ZFHX3: variants seen among roughly 807,000 people sequenced by gnomAD.
ZFHX3 encodes the protein zinc finger homeobox 3.
A neutral mutation model predicts 279.1 loss-of-function variants in ZFHX3; 42 were observed. That is an observed-to-expected ratio of 0.15 (90% confidence interval 0.12 to 0.19). The LOEUF (loss-of-function observed/expected upper bound fraction) is 0.19. Ranked by LOEUF, ZFHX3 falls within the 10% of genes least tolerant of loss-of-function variation. The probability of loss-of-function intolerance (pLI) is 1.00; values close to 1 mark genes in which losing one functional copy is unlikely to be tolerated. For synonymous variants in ZFHX3, 2,293 were observed against 1,957.8 expected (o/e 1.17, Z -4.52); for missense variants, 4,981 against 4,754.0 (o/e 1.05, Z -1.40).
In ZFHX3 at chr16:73,528,343, C is replaced by A. The variant is rs180882785; in HGVS notation, c.-1546-72085G>T. On this transcript the variant is annotated intron_variant, in intron 2 of 17. Transcript: ENST00000641206. ...GGATATCAATAGCAGTACTAGCCAA[C>A]AAATTTGCAAAGATAACTTACACAC... Among the ~76,000 whole-genome samples, 60 of 152,320 alleles carry A rather than the reference C, an allele frequency of 3.9e-4. 4 individuals are homozygous for A. The highest frequency in any genetic ancestry group is 1.4e-3 in the African/African-American group (57 of 41,582).
chr16:73,749,965 C>CAGT (rs1219156952), intron 1 of ZFHX3, among the ~76,000 whole-genome samples: 1 of 152,200 alleles, frequency 6.6e-6, no homozygotes, highest in Non-Finnish European at 1.5e-5. Flanking sequence ...AGCCTCAGAG[C>CAGT]AGTAAACAGG....
chr16:72,798,089 G>T lies in ZFHX3; in HGVS notation c.4593C>A (p.Pro1531=). 6.2e-7 allele frequency: 1 copy of T among 1,614,210 alleles called. No homozygotes were observed. Among genetic ancestry groups the T allele is most frequent in the Non-Finnish European group, 8.5e-7 (1 of 1,180,032 alleles). ...CTAGGAACTTTTCCATAGTAAAATT[G>T]GGACCTTTTCTGAAAGGCAGAGCTC... The part of the protein sequence containing the change: ...PKRALPFRKG[P]NFTMEKFLDP... Residue 1531 remains proline (P), a synonymous_variant, in exon 9 of 10, where the codon CCC becomes CCA. Coordinates refer to ENST00000268489, the MANE Select transcript of ZFHX3 (RefSeq NM_006885.4).
Position 72,795,359 on chromosome 16 carries a change from G to A in ZFHX3, c.7323C>T (p.Asn2441=), listed in dbSNP as rs2035868535. 1.1e-5 allele frequency: 17 copies of A among 1,614,096 alleles called. No homozygotes were observed. The highest frequency in any genetic ancestry group is 1.4e-5 in the Non-Finnish European group (16 of 1,180,022). The change falls in exon 9 of 10, where the codon AAC becomes AAT. Residue 2441 remains asparagine (N), a synonymous_variant. Transcript: ENST00000268489. ...KLAEAPSAQP[N]QTQEKQGQPK... ...GTTGTCCTTGCTTTTCTTGGGTTTG[G>A]TTTGGCTGTGCACTGGGAGCTTCCG...
At chr16:73,267,170 G>C (rs906905197) in intron 4 of ZFHX3, among the ~76,000 whole-genome samples, 4 of 152,162 alleles carry the variant, frequency 2.6e-5, no homozygotes. Flanking sequence ...TGGGATTAGC[G>C]GAAGGGCAGA....
chr16:73,176,076 T>C (rs1436834344), intron 5 of ZFHX3, among the ~76,000 whole-genome samples: 2 of 152,206 alleles, frequency 1.3e-5, no homozygotes, highest in African/African-American at 4.8e-5. Context: ...ACTTATTCTC[T>C]CATCCTTTGG....
chr16:73,127,331 G>A (rs748268523), intron 7 of ZFHX3: 20 of 1,302,474 alleles, frequency 1.5e-5, no homozygotes, highest in Middle Eastern at 2.1e-4. Context: ...GGTGGCAGCC[G>A]TACAGAGGAA....
At chr16:73,168,506 C>A (rs1340651680) in intron 5 of ZFHX3, among the ~76,000 whole-genome samples, 1 of 152,040 alleles carries the variant, frequency 6.6e-6, no homozygotes. Flanking sequence ...GTCTCCTACC[C>A]CAGCCTCCCG....
intron 4 of ZFHX3, among the ~76,000 whole-genome samples, chr16:72,872,024 G>A (rs904019657): frequency 6.6e-6 from 1 of 152,040 alleles, no homozygotes; most frequent in Non-Finnish European, 1.5e-5. Context: ...GTCGGAGCTT[G>A]CAGTTAGCCG....
intron 1 of ZFHX3, among the ~76,000 whole-genome samples, chr16:73,750,587 A>G (rs1036747116): frequency 9.2e-5 from 14 of 152,318 alleles, no homozygotes; most frequent in Admixed American, 5.9e-4. Flanking sequence ...ATTTAACTTG[A>G]AGGGGATTCC....
intron 4 of ZFHX3, among the ~76,000 whole-genome samples, chr16:72,881,806 C>G (rs1048963066): frequency 1.3e-5 from 2 of 152,034 alleles, no homozygotes; most frequent in African/African-American, 4.8e-5. Context: ...GGACAGCACC[C>G]CCAAATCCAG....
chr16:73,003,251 T>C (rs936296901), intron 1 of ZFHX3, among the ~76,000 whole-genome samples: 3 of 151,818 alleles, frequency 2.0e-5, no homozygotes, highest in Admixed American at 6.6e-5. Flanking sequence ...ACTCTCAGGG[T>C]TTCCTTATTA....
intron 3 of ZFHX3, chr16:73,421,393 C>T (rs1277375686): frequency 6.6e-6 from 1 of 152,130 alleles, no homozygotes; most frequent in Non-Finnish European, 1.5e-5. Flanking sequence ...TGCTTGTTCC[C>T]ACATTAAGGT....
chr16:73,235,153 T>C (rs1221000999), intron 5 of ZFHX3, among the ~76,000 whole-genome samples: 1 of 152,182 alleles, frequency 6.6e-6, no homozygotes, highest in Non-Finnish European at 1.5e-5. Context: ...CACTGCAACC[T>C]CTGTCTCCTA....
chr16:73,673,957 A>G (rs768711609), intron 2 of ZFHX3, among the ~76,000 whole-genome samples: 23 of 152,182 alleles, frequency 1.5e-4, no homozygotes, highest in Non-Finnish European at 3.1e-4. Context: ...TCAGGTGACG[A>G]ACACCAAACA....
At chr16:72,860,066 G>C (rs189034614) in intron 4 of ZFHX3, among the ~76,000 whole-genome samples, 1 of 152,280 alleles carries the variant, frequency 6.6e-6, no homozygotes, top group East Asian at 1.9e-4. Context: ...TCCTAGCCCA[G>C]CTGGGAAGTA....
chr16:73,596,809 A>T (rs1421469144), intron 2 of ZFHX3, among the ~76,000 whole-genome samples: 2 of 152,178 alleles, frequency 1.3e-5, no homozygotes, highest in African/African-American at 4.8e-5. Context: ...ATGCTATTTC[A>T]GATCTGCTAT....
chr16:72,978,768 G>A (rs1014405613), intron 1 of ZFHX3, among the ~76,000 whole-genome samples: 4 of 152,142 alleles, frequency 2.6e-5, no homozygotes, highest in Non-Finnish European at 5.9e-5. Context: ...CCTTCCAAAT[G>A]TCAACAAACA....
At chr16:73,573,700 G>C (rs1297071478) in intron 2 of ZFHX3, among the ~76,000 whole-genome samples, 1 of 152,204 alleles carries the variant, frequency 6.6e-6, no homozygotes, top group Admixed American at 6.5e-5. Flanking sequence ...ATATAACTAT[G>C]ATATTTTTAA....
intron 1 of ZFHX3, chr16:73,058,438 G>A: frequency 5.5e-6 from 1 of 183,006 alleles, no homozygotes; most frequent in Non-Finnish European, 1.1e-5. Context: ...GCCCCGAGGA[G>A]CCCCGCGTCC....
Sources: allele counts gnomAD v4.1 joint callset (sites outside exome capture counted in the v4.1 genomes callset), GRCh38; gene constraint gnomAD v4.1.1; transcripts MANE v1.5; gene names NCBI Gene and HGNC (gene_info 2026-07-23, HGNC 2026-07-21).